ANO3: variants seen among roughly 807,000 people sequenced by gnomAD.
ANO3 encodes the protein anoctamin 3, also known as anoctamin-3.
A neutral mutation model predicts 144.8 loss-of-function variants in ANO3; 99 were observed. The observed-to-expected ratio is 0.68, with a 90% CI of 0.58 to 0.81. ANO3 has a LOEUF of 0.81. Ranked by LOEUF, ANO3 falls within the 30% of genes least tolerant of loss-of-function variation. ANO3 has a pLI of 0.00. For synonymous variants in ANO3, 414 were observed against 392.6 expected (o/e 1.05, Z -0.64); for missense variants, 905 against 1,202.2 (o/e 0.75, Z 3.66).
chr11:26,571,352 C>T (rs564277850), intron 14 of ANO3, among the ~76,000 whole-genome samples: 7 of 152,074 alleles, frequency 4.6e-5, no homozygotes, highest in African/African-American at 1.7e-4. Context: ...TATATAGCCA[C>T]AAAATGAAAA....
At chr11:26,614,307 G>A (rs554991588) in intron 17 of ANO3, among the ~76,000 whole-genome samples, 1 of 152,316 alleles carries the variant, frequency 6.6e-6, no homozygotes, top group East Asian at 1.9e-4. Context: ...TGCTGTGCAG[G>A]TTCACCTGTT....
chr11:26,528,888 T>A (rs1849232734), intron 7 of ANO3, among the ~76,000 whole-genome samples: 1 of 150,850 alleles, frequency 6.6e-6, no homozygotes, highest in African/African-American at 2.4e-5. Context: ...GTCTTTGTAA[T>A]GAGAAGAAGC....
At chr11:26,612,477 G>A (rs1221496465) in intron 17 of ANO3, among the ~76,000 whole-genome samples, 2 of 148,982 alleles carry the variant, frequency 1.3e-5, no homozygotes, top group East Asian at 3.9e-4. Context: ...TCTGGCTGTT[G>A]TTGTTTTTTA....
chr11:26,632,804 G>T (rs1852828932), intron 18 of ANO3, among the ~76,000 whole-genome samples: 2 of 151,560 alleles, frequency 1.3e-5, no homozygotes, highest in African/African-American at 4.9e-5. Context: ...AATTAGAAAT[G>T]AAGAACCAAA....
intron 14 of ANO3, among the ~76,000 whole-genome samples, chr11:26,580,794 A>G (rs772116607): frequency 1.3e-5 from 2 of 152,218 alleles, no homozygotes; most frequent in Non-Finnish European, 2.9e-5. Context: ...AAAGTCCTCT[A>G]ACAGACCAAT....
At chr11:26,435,767 T>A (rs1858273101) in intron 1 of ANO3, among the ~76,000 whole-genome samples, 1 of 152,214 alleles carries the variant, frequency 6.6e-6, no homozygotes, top group African/African-American at 2.4e-5. Flanking sequence ...TTACACCAGC[T>A]CTTTCACCTG....
In ANO3 at chr11:26,553,459, TTAA is replaced by T. The variant is rs1330936174; in HGVS notation, c.1386+118_1386+120del. 10 of 587,844 alleles carry T rather than the reference TTAA, an allele frequency of 1.7e-5. No individual in the cohort carries two copies. In the East Asian group the frequency reaches 2.6e-4, roughly 15 times the overall value. 36.4% of individuals were successfully genotyped at this position (587,844 alleles called of 1,614,324 possible). The stretch of plus-strand genomic sequence containing the variant: ...TTAAGTGTTCTCAAGAGTTTCAACC[TTAA>T]TAAGTGCCATTGACAACTGAATAAA... On this transcript the variant is annotated intron_variant, in intron 13 of 26. Transcript: ENST00000256737.
intron 18 of ANO3, among the ~76,000 whole-genome samples, chr11:26,632,312 C>T (rs1006539500): frequency 8.6e-5 from 13 of 151,288 alleles, no homozygotes; most frequent in African/African-American, 3.2e-4. Flanking sequence ...GTCAGGAGTT[C>T]GAGACCAGTC....
At chr11:26,362,179 C>T (rs1381182) in intron 1 of ANO3, among the ~76,000 whole-genome samples, 122,738 of 152,080 alleles carry the variant, frequency 0.81, 49,726 homozygotes, top group East Asian at 0.98. Context: ...CAAGATAGTA[C>T]ACCAGGAAGC....
At chr11:26,359,051 TTTGA>T (rs1205625818) in intron 1 of ANO3, among the ~76,000 whole-genome samples, 8 of 152,230 alleles carry the variant, frequency 5.3e-5, no homozygotes, top group Non-Finnish European at 1.0e-4. Flanking sequence ...CTGGTTCAAC[TTTGA>T]TTAATTATCT....
intron 1 of ANO3, among the ~76,000 whole-genome samples, chr11:26,281,073 A>G (rs1481919196): frequency 1.3e-5 from 2 of 152,214 alleles, no homozygotes; most frequent in African/African-American, 4.8e-5. Flanking sequence ...CACCATTAAA[A>G]GTGCTTTTCA....
chr11:26,552,169 AACAATTTG>A (rs1263417287), intron 12 of ANO3, among the ~76,000 whole-genome samples: 1 of 152,022 alleles, frequency 6.6e-6, no homozygotes, highest in East Asian at 1.9e-4. Context: ...GTGAAGACTA[AACAATTTG>A]ACAGACATAA....
At chr11:26,652,372 A>G (rs1853560305) in intron 24 of ANO3, among the ~76,000 whole-genome samples, 1 of 152,142 alleles carries the variant, frequency 6.6e-6, no homozygotes, top group Non-Finnish European at 1.5e-5. Context: ...AATTGAATCA[A>G]TTAGAAAAGA....
intron 1 of ANO3, among the ~76,000 whole-genome samples, chr11:26,245,932 C>G (rs1852780997): frequency 6.6e-6 from 1 of 152,218 alleles, no homozygotes; most frequent in Non-Finnish European, 1.5e-5. Flanking sequence ...GGTTGACAGA[C>G]TTCAGGTCTT....
In ANO3 at chr11:26,339,218, G is replaced by A. The variant is rs192567986; in HGVS notation, c.46+6897G>A. 4.7e-3 allele frequency among the ~76,000 whole-genome samples: 717 copies of A among 151,172 alleles called. 6 individuals carry two copies. The highest frequency in any genetic ancestry group is 0.017 in the African/African-American group (681 of 41,112). On this transcript the variant is annotated intron_variant, in intron 1 of 26. Transcript: ENST00000256737. ...TGCCCAGGCTGGAGTGCAGTGGCAC[G>A]ATCTCGGCTCACTGAAACCTCTGCC...
intron 1 of ANO3, among the ~76,000 whole-genome samples, chr11:26,268,835 C>G (rs192134285): frequency 1.1e-4 from 16 of 152,224 alleles, no homozygotes; most frequent in Admixed American, 1.0e-3. Context: ...CTTAACAGAC[C>G]TAGAAGGCAG....
At chr11:26,251,654 T>C (rs576170142) in intron 1 of ANO3, among the ~76,000 whole-genome samples, 2 of 152,284 alleles carry the variant, frequency 1.3e-5, no homozygotes, top group South Asian at 4.1e-4. Flanking sequence ...GGGTAATTTA[T>C]AAAGAAAAGA....
At chr11:26,497,273 T>C (rs1329026102) in intron 4 of ANO3, among the ~76,000 whole-genome samples, 2 of 151,362 alleles carry the variant, frequency 1.3e-5, no homozygotes, top group African/African-American at 2.4e-5. Flanking sequence ...CACAGAAATA[T>C]ATATAGGTTG....
At chr11:26,631,659 G>A (rs1335520682) in intron 18 of ANO3, among the ~76,000 whole-genome samples, 2 of 152,062 alleles carry the variant, frequency 1.3e-5, no homozygotes, top group African/African-American at 2.4e-5. Context: ...GACACTTGAG[G>A]AGTAAAAGCA....
Sources: gnomAD v4.1 joint callset for allele counts (sites outside exome capture counted in the v4.1 genomes callset) on GRCh38, gnomAD v4.1.1 for gene constraint, MANE v1.5 for transcripts, NCBI Gene and HGNC (gene_info 2026-07-23, HGNC 2026-07-21) for gene names.